HIBCH: variants seen among roughly 807,000 people sequenced by gnomAD.
HIBCH encodes the protein 3-hydroxyisobutyryl-CoA hydrolase.
HIBCH carries 50 observed loss-of-function variants against 58.2 expected under a neutral mutation model. The ratio of observed to expected loss-of-function variants is 0.86; its 90% CI spans 0.68 to 1.09. HIBCH has a LOEUF of 1.09. Ranked by LOEUF, HIBCH falls within the 50% of genes least tolerant of loss-of-function variation. The probability of loss-of-function intolerance (pLI) is 0.00; values close to 1 mark genes in which losing one functional copy is unlikely to be tolerated. For synonymous variants in HIBCH, 151 were observed against 146.9 expected (o/e 1.03, Z -0.20); for missense variants, 450 against 449.7 (o/e 1.00, Z -0.01).
intron 11 of HIBCH, chr2:190,213,741 C>T (rs1186927630): frequency 6.6e-6 from 1 of 152,484 alleles, no homozygotes; most frequent in Non-Finnish European, 1.5e-5. Flanking sequence ...CAAAATGCAG[C>T]AAGACAACCC....
At chr2:190,305,689 G>A (rs1044573633) in intron 2 of HIBCH, among the ~76,000 whole-genome samples, 1 of 152,162 alleles carries the variant, frequency 6.6e-6, no homozygotes, top group Non-Finnish European at 1.5e-5. Context: ...GAAACTGGGT[G>A]AGAGGTACGT....
chr2:190,269,603 G>C (rs1687333898), intron 6 of HIBCH, among the ~76,000 whole-genome samples: 1 of 152,136 alleles, frequency 6.6e-6, no homozygotes, highest in South Asian at 2.1e-4. Context: ...GGAAAAATGG[G>C]AACACTTTAC....
rs775899123 is a variant in HIBCH at position 190,208,893 on chromosome 2, T to C, written c.1032A>G (p.Glu344=). Residue 344 remains glutamate (E), a synonymous_variant, in exon 13 of 14, where the codon GAA becomes GAG. Coordinates refer to ENST00000359678, the MANE Select transcript of HIBCH (RefSeq NM_014362.4). ...QACMRGHDFH[E]GVRAVLIDKD... The stretch of plus-strand genomic sequence containing the variant: ...TTTGCCACTTACCAGCTCTAACGCC[T>C]TCATGAAAGTCATGACCTCTCTGAA... 1.2e-6 allele frequency: 2 copies of C among 1,613,770 alleles called. No individual in the cohort carries two copies. Among genetic ancestry groups the C allele is most frequent in the African/African-American group, 1.3e-5 (1 of 75,042 alleles).
intron 11 of HIBCH, among the ~76,000 whole-genome samples, chr2:190,242,172 T>A (rs1287464743): frequency 6.6e-6 from 1 of 151,982 alleles, no homozygotes; most frequent in Non-Finnish European, 1.5e-5. Context: ...TTCATTCTCA[T>A]TTCTCTAATC....
intron 1 of HIBCH, among the ~76,000 whole-genome samples, chr2:190,311,403 A>G (rs1688554824): frequency 6.6e-6 from 1 of 152,202 alleles, no homozygotes; most frequent in Non-Finnish European, 1.5e-5. Flanking sequence ...TCAAATTTGC[A>G]GGTCATTTTT....
chr2:190,238,390 T>C (rs1303979246), intron 11 of HIBCH, among the ~76,000 whole-genome samples: 5 of 152,234 alleles, frequency 3.3e-5, no homozygotes, highest in Admixed American at 6.5e-5. Context: ...AGTTACCTCA[T>C]TGTGGTTTTG....
chr2:190,247,130 T>C (rs1686631543), intron 9 of HIBCH, among the ~76,000 whole-genome samples: 2 of 152,188 alleles, frequency 1.3e-5, no homozygotes, highest in African/African-American at 2.4e-5. Context: ...TTATTACTAT[T>C]GAGCAGATCA....
intron 6 of HIBCH, among the ~76,000 whole-genome samples, chr2:190,269,387 G>GA (rs943860748): frequency 2.7e-5 from 4 of 150,284 alleles, no homozygotes; most frequent in South Asian, 2.1e-4. Context: ...AAATTTACAA[G>GA]AAAAAAAAAT....
intron 5 of HIBCH, 114 bp downstream of exon 5, chr2:190,290,291 C>G (rs1381282384): frequency 5.4e-6 from 4 of 744,836 alleles, no homozygotes; most frequent in East Asian, 2.6e-5. Flanking sequence ...ATGCCTGGCA[C>G]ATGGTATTAA....
Position 190,296,957 on chromosome 2 carries a change from T to C in HIBCH, c.79-4A>G, listed in dbSNP as rs748388747. 3 of 1,614,038 alleles carry C rather than the reference T, an allele frequency of 1.9e-6. No homozygotes were observed. Among genetic ancestry groups the C allele is most frequent in the South Asian group, 2.2e-5 (2 of 91,076 alleles). ...CATCTGTGTGCTTGGACATTCTCTG[T>C]ATAAACAAAGAATAACTTTATGACA... On this transcript the variant is annotated splice_polypyrimidine_tract_variant and splice_region_variant and intron_variant, in intron 2 of 13. Transcript: ENST00000359678.
intron 6 of HIBCH, among the ~76,000 whole-genome samples, chr2:190,269,609 T>C (rs1027618674): frequency 2.0e-5 from 3 of 152,162 alleles, no homozygotes; most frequent in African/African-American, 7.2e-5. Context: ...ATGGGAACAC[T>C]TTACACTGCT....
At chr2:190,314,859 T>G (rs896948743) in intron 1 of HIBCH, among the ~76,000 whole-genome samples, 3 of 152,200 alleles carry the variant, frequency 2.0e-5, no homozygotes, top group African/African-American at 7.2e-5. Flanking sequence ...GAGAATTCAG[T>G]GTCCCCAGGT....
chr2:190,310,572 T>G (rs1366249629), intron 2 of HIBCH, among the ~76,000 whole-genome samples, 182 bp downstream of exon 2: 5 of 152,192 alleles, frequency 3.3e-5, no homozygotes, highest in Admixed American at 2.6e-4. Context: ...AACCATGGTT[T>G]TAACCATAAT....
At chr2:190,226,285 A>AG (rs35318181) in intron 11 of HIBCH, among the ~76,000 whole-genome samples, 47,613 of 151,956 alleles carry the variant, frequency 0.31, 8,598 homozygotes, top group African/African-American at 0.48. Context: ...AAAGAAATAA[A>AG]GGTATTCAAT....
chr2:190,300,634 T>C (rs1314888519), intron 2 of HIBCH, among the ~76,000 whole-genome samples: 1 of 152,204 alleles, frequency 6.6e-6, no homozygotes, highest in Non-Finnish European at 1.5e-5. Context: ...TTTCTTTTGC[T>C]GTCCAGAAGC....
chr2:190,312,152 C>T (rs1319062733), intron 1 of HIBCH, among the ~76,000 whole-genome samples: 4 of 152,066 alleles, frequency 2.6e-5, no homozygotes, highest in Admixed American at 2.0e-4. Context: ...TGAGGAGGGC[C>T]TCTGGAATGC....
At chr2:190,265,998 T>C (rs1294758964) in intron 6 of HIBCH, among the ~76,000 whole-genome samples, 1 of 152,230 alleles carries the variant, frequency 6.6e-6, no homozygotes, top group Non-Finnish European at 1.5e-5. Context: ...ATCTTTTTTT[T>C]TTTGTATTTT....
intron 7 of HIBCH, among the ~76,000 whole-genome samples, chr2:190,253,772 C>G (rs530461111): frequency 6.6e-6 from 1 of 152,290 alleles, no homozygotes; most frequent in South Asian, 2.1e-4. Context: ...ACCACTTTTT[C>G]CACTACATCC....
At chr2:190,294,394 T>G (rs1688050517) in intron 4 of HIBCH, 152 bp downstream of exon 4, 4 of 627,286 alleles carry the variant, frequency 6.4e-6, no homozygotes, top group African/African-American at 3.7e-5. Flanking sequence ...AAAGTAAGTC[T>G]TTAAATTTTT....
Sources: allele counts gnomAD v4.1 joint callset (sites outside exome capture counted in the v4.1 genomes callset), GRCh38; gene constraint gnomAD v4.1.1; transcripts MANE v1.5; gene names NCBI Gene and HGNC (gene_info 2026-07-23, HGNC 2026-07-21).